Variants in SLIT1 observed in about 807,000 individuals in gnomAD.
SLIT1 encodes the protein slit homolog 1 protein.
In SLIT1, 66 loss-of-function variants were observed where a neutral mutation model predicts 186.1. The ratio of observed to expected loss-of-function variants is 0.35; its 90% confidence interval spans 0.29 to 0.44. The LOEUF (loss-of-function observed/expected upper bound fraction) is 0.44, where lower values mean the gene tolerates loss of function less well. Among genes scored for constraint, SLIT1 ranks in the 20% least tolerant of loss-of-function variants. The pLI is 1.00. For missense variants in SLIT1, 1,638 were observed against 2,037.4 expected (o/e 0.80, Z 3.77); for synonymous variants, 761 against 833.8 (o/e 0.91, Z 1.50).
rs776115781 is a variant in SLIT1, at chr10:97,049,132, G to A, written c.1302-14C>T. 1.2e-6 allele frequency: 2 copies of A among 1,610,506 alleles called. No homozygotes were observed. Among genetic ancestry groups the A allele is most frequent in the Admixed American group, 1.7e-5 (1 of 59,948 alleles). On this transcript the variant is annotated splice_polypyrimidine_tract_variant and intron_variant, in intron 13 of 36. Transcript: ENST00000266058. ...TGCGCCAGGTGCCTGTCCAAAGCAG[G>A]CAGATCAGCTATGAGAAACAAGGGC...
intron 4 of SLIT1, among the ~76,000 whole-genome samples, chr10:97,089,710 G>C (rs944015866): frequency 6.6e-6 from 1 of 152,082 alleles, no homozygotes; most frequent in African/African-American, 2.4e-5. Context: ...TAGGCTGAGG[G>C]ATCAAGGCCA....
intron 25 of SLIT1, among the ~76,000 whole-genome samples, chr10:97,023,644 G>A (rs1215386791): frequency 6.6e-6 from 1 of 152,166 alleles, no homozygotes; most frequent in Non-Finnish European, 1.5e-5. Flanking sequence ...TTTAGGGTAA[G>A]AAAGAGCCAG....
At chr10:97,149,129 C>G (rs932077667) in intron 4 of SLIT1, among the ~76,000 whole-genome samples, 7 of 152,318 alleles carry the variant, frequency 4.6e-5, no homozygotes, top group African/African-American at 1.7e-4. Context: ...CCAGCAGGGG[C>G]AGAGCTGGAT....
chr10:97,079,078 T>C (rs1258327475), intron 4 of SLIT1, among the ~76,000 whole-genome samples: 1 of 152,230 alleles, frequency 6.6e-6, no homozygotes, highest in East Asian at 1.9e-4. Flanking sequence ...CCCTACCATT[T>C]ACTGCCTGTG....
intron 1 of SLIT1, among the ~76,000 whole-genome samples, chr10:97,177,713 C>T (rs539405332): frequency 5.9e-5 from 9 of 152,294 alleles, no homozygotes; most frequent in African/African-American, 1.2e-4. Context: ...CGGTGGCTCA[C>T]GCCTGTAATC....
In SLIT1 at chr10:97,031,644, C is replaced by T. The variant is rs377561457; in HGVS notation, c.2472G>A (p.Pro824=). ...ILSYNALQCI[P]PLAFQGLRSL... The stretch of plus-strand genomic sequence containing the variant: ...AGCGGAGTCCCTGGAAGGCCAAAGG[C>T]GGGATGCACTGCAGGGCATTGTAGC... Residue 824 remains proline, a synonymous_variant, in exon 24 of 37, where the codon CCG becomes CCA. Transcript: ENST00000266058. The T allele has an allele frequency of 3.5e-5, 55 of 1,551,964 alleles. No homozygotes were observed. The highest frequency in any genetic ancestry group is 1.9e-4 in the South Asian group (16 of 84,078).
rs1267192714 is a variant in SLIT1, at chr10:97,021,200, G to A, written c.2746+50C>T. 6.3e-7 allele frequency: 1 copy of A among 1,577,488 alleles called. No homozygotes were observed. Among genetic ancestry groups the A allele is most frequent in the South Asian group, 1.2e-5 (1 of 84,648 alleles). On this transcript the variant is annotated intron_variant, in intron 26 of 36. Transcript: ENST00000266058. The surrounding 1 kb of genome is among the most constrained non-coding windows in gnomAD (Gnocchi z 4.5). ...ATGTTAGGAAGGCCCTGCAGTGTTG[G>A]GCAAGTTCTGTGAGCCCCCAGCAGC...
At chr10:97,037,523 G>A (rs1466458139) in intron 22 of SLIT1, among the ~76,000 whole-genome samples, 175 bp downstream of exon 22, 1 of 152,108 alleles carries the variant, frequency 6.6e-6, no homozygotes, top group Non-Finnish European at 1.5e-5. Context: ...ATTGCCAATC[G>A]TGGCCACTAG....
chr10:97,145,838 G>T (rs554855382), intron 4 of SLIT1, among the ~76,000 whole-genome samples: 1 of 152,166 alleles, frequency 6.6e-6, no homozygotes, highest in African/African-American at 2.4e-5. Flanking sequence ...GACAGACTGC[G>T]GCAGTGAGGA....
At chr10:97,171,641 G>A (rs924523659) in intron 1 of SLIT1, among the ~76,000 whole-genome samples, 3 of 152,112 alleles carry the variant, frequency 2.0e-5, no homozygotes, top group South Asian at 4.2e-4. Context: ...CCAACATGGC[G>A]AAACCTGTCT....
At chr10:97,003,282 C>T (rs934782760) in intron 34 of SLIT1, among the ~76,000 whole-genome samples, 19 of 152,370 alleles carry the variant, frequency 1.2e-4, no homozygotes, top group East Asian at 5.8e-4. Flanking sequence ...TGGCTTCCCT[C>T]GCCAAGGCGC....
intron 4 of SLIT1, chr10:97,102,387 C>T (rs1022473515): frequency 1.4e-5 from 2 of 139,120 alleles, no homozygotes; most frequent in Non-Finnish European, 3.0e-5. Flanking sequence ...CACCATTACA[C>T]TCCAGTCTGG....
chr10:97,014,721 C>G (rs1019676139), intron 28 of SLIT1, among the ~76,000 whole-genome samples: 1 of 152,188 alleles, frequency 6.6e-6, no homozygotes, highest in Non-Finnish European at 1.5e-5. Context: ...CAAAAATTAG[C>G]TGGGCATGGT....
intron 4 of SLIT1, among the ~76,000 whole-genome samples, chr10:97,079,876 G>A (rs1397679545): frequency 6.6e-6 from 1 of 152,166 alleles, no homozygotes; most frequent in Non-Finnish European, 1.5e-5. Context: ...AAGACTTCCA[G>A]GTCATGGGGT....
intron 4 of SLIT1, 32 bp downstream of exon 4, chr10:97,157,786 G>T: frequency 6.4e-7 from 1 of 1,565,282 alleles, no homozygotes; most frequent in Non-Finnish European, 8.8e-7. Flanking sequence ...AAAACCACAG[G>T]GAGAACTCTC....
chr10:97,098,570 C>G (rs1214000685), intron 4 of SLIT1, among the ~76,000 whole-genome samples: 1 of 152,210 alleles, frequency 6.6e-6, no homozygotes, highest in African/African-American at 2.4e-5. Context: ...CACAGAGAAA[C>G]AAGCTAGGAG....
At chr10:97,037,959 C>T (rs1848655564) in intron 21 of SLIT1, among the ~76,000 whole-genome samples, 193 bp from the exon 22 acceptor site, 2 of 152,056 alleles carry the variant, frequency 1.3e-5, no homozygotes, top group South Asian at 4.2e-4. Context: ...GAGGTGCCAC[C>T]CAGAGGACTT....
At chr10:97,112,274 G>A (rs1406984663) in intron 4 of SLIT1, among the ~76,000 whole-genome samples, 2 of 151,382 alleles carry the variant, frequency 1.3e-5, no homozygotes, top group Admixed American at 6.6e-5. Flanking sequence ...CTCACCCCTC[G>A]GCATCCACCA....
At position 97,129,662 on chromosome 10, in the gene SLIT1, G is replaced by A. The variant is rs116700424; in HGVS notation, c.413+28156C>T. On this transcript the variant is annotated intron_variant, in intron 4 of 36. Coordinates refer to ENST00000266058, the MANE Select transcript of SLIT1 (RefSeq NM_003061.3). ...TCCCTCCCCTGCCCTGGGAGGACCC[G>A]TGGCCCATCTCACCAGCCTTCCAAG... Among the ~76,000 whole-genome samples the A allele has an allele frequency of 4.5e-3, 685 of 152,228 alleles. 12 individuals carry two copies. The highest frequency in any genetic ancestry group is 0.016 in the African/African-American group (656 of 41,524).
Sources: gnomAD v4.1 joint callset for allele counts (sites outside exome capture counted in the v4.1 genomes callset) on GRCh38, gnomAD v4.1.1 for gene constraint, Gnocchi (gnomAD v3.1) non-coding constraint, MANE v1.5 for transcripts, NCBI Gene and HGNC (gene_info 2026-07-23, HGNC 2026-07-21) for gene names.